ZNF445: variants seen among roughly 807,000 people sequenced by gnomAD.
ZNF445 encodes zinc finger protein 168.
In ZNF445, 19 loss-of-function variants were observed where a neutral mutation model predicts 93.9. The ratio of observed to expected loss-of-function variants is 0.20; its 90% CI spans 0.14 to 0.30. The LOEUF is 0.30. ZNF445 is among the 10% of genes least tolerant of loss of function. The pLI is 1.00. For missense variants in ZNF445, 1,058 were observed against 1,259.4 expected, an observed-to-expected ratio of 0.84 and a Z score of 2.42; for synonymous variants, 449 against 446.3, an observed-to-expected ratio of 1.01 and a Z score of -0.08.
At position 44,446,444 on chromosome 3, in the gene ZNF445, G is replaced by C; in HGVS notation, c.*131C>G. On this transcript the variant is annotated 3_prime_UTR_variant, in exon 8 of 8. Transcript: ENST00000396077. This position sits in a 1 kb window ranked among gnomAD's most constrained non-coding sequence, Gnocchi z 4.2. ...GACTCCCCGAGCTTTCAAATCCTTG[G>C]GATTCTGTCACTAGCTTCCAAAACA... 2.2e-6 allele frequency: 3 copies of C among 1,373,808 alleles called. No individual in the cohort carries two copies. The Admixed American group carries it at 6.9e-5, about 32-fold the overall frequency. 85.1% of individuals were successfully genotyped at this position (1,373,808 alleles called of 1,614,324 possible). A position where few individuals can be genotyped will look rare whatever the true frequency, so the allele number is the denominator to read the frequency against.
rs186903179 is a variant in ZNF445 at position 44,472,731 on chromosome 3, T to A, written c.-269+4860A>T. On this transcript the variant is annotated intron_variant, in intron 1 of 7. Transcript: ENST00000396077. Reference sequence around the variant, plus strand: ...CTCAGCAGACAGCTGAGCCCGCCAATGAAATTCAGGTATCTTAATGCCACA... The same window carrying A: ...CTCAGCAGACAGCTGAGCCCGCCAAAGAAATTCAGGTATCTTAATGCCACA... 3.8e-3 allele frequency among the ~76,000 whole-genome samples: 571 copies of A among 152,256 alleles called. 7 individuals are homozygous for A. Among genetic ancestry groups the A allele is most frequent in the African/African-American group, 0.013 (543 of 41,566 alleles).
chr3:44,469,075 TACTC>T (rs1413754342), intron 1 of ZNF445, among the ~76,000 whole-genome samples: 1 of 147,166 alleles, frequency 6.8e-6, no homozygotes, highest in Non-Finnish European at 1.5e-5. Context: ...TAGGATGAAA[TACTC>T]ACACACCTAA....
Position 44,448,017 on chromosome 3 carries a change from G to A in ZNF445, c.1654C>T (p.Arg552Cys), listed in dbSNP as rs769862517. 7 of 1,611,130 alleles carry A rather than the reference G, an allele frequency of 4.3e-6. No homozygotes were observed. The highest frequency in any genetic ancestry group is 1.7e-5 in the Admixed American group (1 of 59,982). The change falls in exon 8 of 8, where the codon CGC (arginine) becomes TGC (cysteine). Residue 552 changes from arginine to cysteine, a missense_variant. Coordinates refer to ENST00000396077, the MANE Select transcript of ZNF445 (RefSeq NM_181489.6). The stretch of plus-strand genomic sequence containing the variant: ...CGGTGCAGACGGTAGGCTGACAGGC[G>A]TCGGAAAGCTTTCTCACATAAATCG... ...KCDLCEKAFR[R>C]LSAYRLHRET...
chr3:44,451,526 G>C (rs1697957630), intron 3 of ZNF445, 44 bp from the exon 4 acceptor site: 2 of 1,578,318 alleles, frequency 1.3e-6, no homozygotes, highest in East Asian at 4.5e-5. Context: ...CTGGGAATCA[G>C]AAAGCAAACT....
At chr3:44,465,183 A>T (rs952570016) in intron 1 of ZNF445, among the ~76,000 whole-genome samples, 1 of 152,206 alleles carries the variant, frequency 6.6e-6, no homozygotes, top group African/African-American at 2.4e-5. Context: ...AGTTTTACAT[A>T]CAAGGTGTGT....
intron 1 of ZNF445, among the ~76,000 whole-genome samples, chr3:44,470,742 T>C (rs1698257300): frequency 1.3e-5 from 2 of 152,194 alleles, no homozygotes; most frequent in South Asian, 4.1e-4. Flanking sequence ...CCATTACATT[T>C]ATAAACAGCA....
chr3:44,466,494 C>G (rs1004156368), intron 1 of ZNF445, among the ~76,000 whole-genome samples: 5 of 151,968 alleles, frequency 3.3e-5, no homozygotes, highest in African/African-American at 7.3e-5. Context: ...TATGTAAAAC[C>G]CTTATAATTC....
At chr3:44,459,899 CTTCT>C (rs754045269) in intron 1 of ZNF445, among the ~76,000 whole-genome samples, 4 of 152,134 alleles carry the variant, frequency 2.6e-5, no homozygotes, top group Non-Finnish European at 4.4e-5. Flanking sequence ...AGGAACTTTC[CTTCT>C]AAGAATCTAC....
chr3:44,457,613 GTCTTCTCACCAAATGTTGC>G (rs1353737209), intron 2 of ZNF445, among the ~76,000 whole-genome samples: 1 of 152,160 alleles, frequency 6.6e-6, no homozygotes, highest in Non-Finnish European at 1.5e-5. Flanking sequence ...AGGAAGGGTA[GTCTTCTCACCAAATGTTGC>G]TGGAGCAATT....
Position 44,455,560 on chromosome 3 carries a change from C to A in ZNF445, c.-11G>T. 1 of 1,577,404 alleles carries A rather than the reference C, an allele frequency of 6.3e-7. No homozygotes were observed. Among genetic ancestry groups the A allele is most frequent in the South Asian group, 1.2e-5 (1 of 84,020 alleles). Reference sequence around the variant, plus strand: ...CCTGCCTGGAGGCATCACTCCTGTTCAGGGACTAACCAGAAGAGTGCGAAC... The same window carrying A: ...CCTGCCTGGAGGCATCACTCCTGTTAAGGGACTAACCAGAAGAGTGCGAAC... On this transcript the variant is annotated 5_prime_UTR_variant, in exon 3 of 8. Coordinates refer to ENST00000396077, the MANE Select transcript of ZNF445 (RefSeq NM_181489.6).
chr3:44,448,979 T>A (rs1395998267), intron 7 of ZNF445, among the ~76,000 whole-genome samples: 1 of 151,748 alleles, frequency 6.6e-6, no homozygotes, highest in Non-Finnish European at 1.5e-5. Flanking sequence ...AGCAGGGAAA[T>A]AAAAAGGATT....
chr3:44,464,062 G>A (rs1439343329), intron 1 of ZNF445, among the ~76,000 whole-genome samples: 1 of 152,128 alleles, frequency 6.6e-6, no homozygotes, highest in African/African-American at 2.4e-5. Context: ...GGAAGTGGAG[G>A]TTGCAGTGAG....
In ZNF445 at chr3:44,444,420, A is replaced by AAC. The variant is rs1697853497; in HGVS notation, c.*2154_*2155insGT. 6.6e-6 allele frequency: 1 copy of AAC among 152,182 alleles called. No individual in the cohort carries two copies. The highest frequency in any genetic ancestry group is 1.5e-5 in the Non-Finnish European group (1 of 68,080). 9.4% of individuals were successfully genotyped at this position (152,182 alleles called of 1,614,324 possible). ...AGCACTCTAACTTCACACATAAGGA[A>AAC]ATTGATGCAGAGGTTCATTGACTTG... On this transcript the variant is annotated 3_prime_UTR_variant, in exon 8 of 8. Coordinates refer to ENST00000396077, the MANE Select transcript of ZNF445 (RefSeq NM_181489.6).
rs1289247030 is a variant in ZNF445 at position 44,448,147 on chromosome 3, A to T, written c.1524T>A (p.Thr508=). ...CCCTACATTTAAATGCTTTCTCTTG[A>T]GTGTGAAGTCTCTGATGATACGCAA... The part of the protein sequence containing the change: ...SHLAYHQRLH[T]QEKAFKCRVC... Residue 508 remains threonine, a synonymous_variant, in exon 8 of 8, where the codon ACT becomes ACA. Transcript: ENST00000396077. The T allele has an allele frequency of 6.2e-7, 1 of 1,614,006 alleles. No individual in the cohort carries two copies. The highest frequency in any genetic ancestry group is 1.3e-5 in the African/African-American group (1 of 74,904).
At chr3:44,450,329 G>A in intron 6 of ZNF445, 118 bp downstream of exon 6, 1 of 1,280,184 alleles carries the variant, frequency 7.8e-7, no homozygotes, top group South Asian at 1.2e-5. Flanking sequence ...AAGTGATCTG[G>A]TCAGCAGTTA....
At chr3:44,473,048 C>T (rs553970925) in intron 1 of ZNF445, among the ~76,000 whole-genome samples, 29 of 152,198 alleles carry the variant, frequency 1.9e-4, no homozygotes, top group African/African-American at 7.0e-4. Context: ...CTTTGTTTTC[C>T]TTTTAATGTC....
rs1697646599 is a variant in ZNF445 at position 44,434,945 on chromosome 3, TAAC to T, written c.*11627_*11629del. ...TATAGATAACATTTATAAGTCACCA[TAAC>T]AACCACTTATTTTTCAGGAACTTGG... On this transcript the variant is annotated 3_prime_UTR_variant, in exon 8 of 8. Coordinates refer to ENST00000396077, the MANE Select transcript of ZNF445 (RefSeq NM_181489.6). The T allele has an allele frequency of 6.6e-6, 1 of 152,202 alleles. No homozygotes were observed. Among genetic ancestry groups the T allele is most frequent in the South Asian group, 2.1e-4 (1 of 4,830 alleles). The allele number at this position is 152,202 out of a possible 1,614,324, so 9.4% of individuals were successfully genotyped here.
At chr3:44,473,809 T>C (rs1188624500) in intron 1 of ZNF445, among the ~76,000 whole-genome samples, 1 of 147,434 alleles carries the variant, frequency 6.8e-6, no homozygotes, top group Non-Finnish European at 1.5e-5. Flanking sequence ...AGCAATAAAA[T>C]AACAACAGTA....
chr3:44,455,370 C>T lies in ZNF445; in HGVS notation c.180G>A (p.Gln60=). The change falls in exon 3 of 8, where the codon CAG becomes CAA. Residue 60 remains glutamine, a synonymous_variant. Coordinates refer to ENST00000396077, the MANE Select transcript of ZNF445 (RefSeq NM_181489.6). ...GCCCTGAAGACTCATGGTAGCGAAG[C>T]TGTCTGAAGAGCTGGCGGAACAGCT... The part of the protein sequence containing the change: ...GQELFRQLFR[Q]LRYHESSGPL... 1 of 1,614,070 alleles carries T rather than the reference C, an allele frequency of 6.2e-7. No individual in the cohort carries two copies. The highest frequency in any genetic ancestry group is 8.5e-7 in the Non-Finnish European group (1 of 1,179,946).
Sources: gnomAD v4.1 joint callset for allele counts (sites outside exome capture counted in the v4.1 genomes callset) on GRCh38, gnomAD v4.1.1 for gene constraint, Gnocchi (gnomAD v3.1) non-coding constraint, MANE v1.5 for transcripts, NCBI Gene and HGNC (gene_info 2026-07-23, HGNC 2026-07-21) for gene names.